DHX8: variants seen among roughly 807,000 people sequenced by gnomAD.
The protein encoded by DHX8 is ATP-dependent RNA helicase DHX8.
Under a neutral mutation model 140.7 loss-of-function variants are expected in DHX8, and 67 were observed. That is an observed-to-expected ratio of 0.48 (90% CI 0.39 to 0.58). The LOEUF (loss-of-function observed/expected upper bound fraction) is 0.58. Ranked by LOEUF, DHX8 falls within the 20% of genes least tolerant of loss-of-function variation. The probability of loss-of-function intolerance (pLI) is 0.00; values close to 1 mark genes in which losing one functional copy is unlikely to be tolerated. For synonymous variants in DHX8, 533 were observed against 553.2 expected, an observed-to-expected ratio of 0.96 and a Z score of 0.51; for missense variants, 887 against 1,550.7, an observed-to-expected ratio of 0.57 and a Z score of 7.19.
intron 11 of DHX8, among the ~76,000 whole-genome samples, chr17:43,503,671 A>G (rs1035021839): frequency 6.6e-6 from 1 of 151,998 alleles, no homozygotes; most frequent in African/African-American, 2.4e-5. Flanking sequence ...GTCTCAGAAA[A>G]AGAAAAAAAT....
intron 3 of DHX8, among the ~76,000 whole-genome samples, chr17:43,541,438 G>A (rs547549890): frequency 2.0e-5 from 3 of 152,268 alleles, no homozygotes; most frequent in East Asian, 3.9e-4. Context: ...GTCTGGGGAC[G>A]AGGCAGATGA....
chr17:43,528,229 G>A (rs1215452302), downstream of DHX8: 5 of 345,334 alleles, frequency 1.4e-5, no homozygotes, highest in Non-Finnish European at 2.6e-5. Flanking sequence ...TGTGGTTGGG[G>A]AAAAGGTGTG....
intron 8 of DHX8, among the ~76,000 whole-genome samples, chr17:43,495,462 A>G (rs1474415780): frequency 1.3e-5 from 2 of 152,062 alleles, no homozygotes; most frequent in Non-Finnish European, 2.9e-5. Flanking sequence ...AATTTTTTGT[A>G]GAGACAGTCT....
chr17:43,495,581 G>A (rs1968808177), intron 8 of DHX8, among the ~76,000 whole-genome samples: 2 of 152,078 alleles, frequency 1.3e-5, no homozygotes, highest in Admixed American at 1.3e-4. Context: ...TCTGGCCTAC[G>A]TATTATATAA....
chr17:43,508,977 G>A (rs1383714894), intron 16 of DHX8, among the ~76,000 whole-genome samples: 3 of 152,116 alleles, frequency 2.0e-5, no homozygotes, highest in Non-Finnish European at 2.9e-5. Context: ...ATTTGTTTAG[G>A]AATGAGGTCC....
intron 21 of DHX8, 118 bp from the exon 22 acceptor site, chr17:43,521,929 G>A: frequency 9.4e-7 from 1 of 1,063,312 alleles, no homozygotes. Context: ...CTTAGGGCTG[G>A]AAGGAAGGTC....
chr17:43,520,893 A>C lies in DHX8; in HGVS notation c.3066+14A>C, dbSNP rs751412699. 3 of 1,595,376 alleles carry C rather than the reference A, an allele frequency of 1.9e-6. No homozygotes were observed. Among genetic ancestry groups the C allele is most frequent in the Non-Finnish European group, 1.7e-6 (2 of 1,171,440 alleles). The stretch of plus-strand genomic sequence containing the variant: ...TATAGGCCCAAGGTAGGAAGTTCAG[A>C]TCCAAGTTTAGATGGGGGTGCCATG... On this transcript the variant is annotated intron_variant, in intron 20 of 22. Transcript: ENST00000262415.
chr17:43,507,094 A>G lies in DHX8; in HGVS notation c.1820A>G (p.Tyr607Cys). The change falls in exon 13 of 23, where the codon TAC becomes TGC. Residue 607 changes from tyrosine (Y) to cysteine (C), a missense_variant. Coordinates refer to ENST00000262415, the MANE Select transcript of DHX8 (RefSeq NM_004941.3). ...ACCCAGTACCTGGCGGAGGCAGGCT[A>G]CACTTCCAGGGGCAAGATTGGGTGT... is the stretch of plus-strand genomic sequence containing the variant. Reference protein sequence around the residue: ...QITQYLAEAGYTSRGKIGCTQ... With the variant: ...QITQYLAEAGCTSRGKIGCTQ... The G allele has an allele frequency of 1.9e-6, 3 of 1,614,062 alleles. No individual in the cohort carries two copies. The highest frequency in any genetic ancestry group is 2.5e-6 in the Non-Finnish European group (3 of 1,180,022).
At chr17:43,527,109 C>T (rs1970640363), downstream of DHX8, among the ~76,000 whole-genome samples, 1 of 152,150 alleles carries the variant, frequency 6.6e-6, no homozygotes, top group Non-Finnish European at 1.5e-5. Flanking sequence ...TGTCACATCT[C>T]AGTCATACGT....
In DHX8 at chr17:43,500,160, A is replaced by G. The variant is rs1969099596; in HGVS notation, c.1546+57A>G. Reference sequence around the variant, plus strand: ...TTTAAAAATCTGAGCCTTTCAGAACACAGGGAGGGGTCACTCCCGGCACAC... The same window carrying G: ...TTTAAAAATCTGAGCCTTTCAGAACGCAGGGAGGGGTCACTCCCGGCACAC... On this transcript the variant is annotated intron_variant, in intron 11 of 22. Coordinates refer to ENST00000262415, the MANE Select transcript of DHX8 (RefSeq NM_004941.3). The G allele has an allele frequency of 3.8e-6, 6 of 1,577,242 alleles. No individual in the cohort carries two copies. The Admixed American group carries it at 8.8e-5, about 23-fold the overall frequency.
intron 14 of DHX8, 25 bp downstream of exon 14, chr17:43,507,713 C>T (rs543173402): frequency 6.2e-7 from 1 of 1,612,716 alleles, no homozygotes; most frequent in African/African-American, 1.3e-5. Context: ...TTTAATGACC[C>T]CTCTACCTGT....
rs1598203168 is a variant in DHX8 at position 43,534,046 on chromosome 17, T to A, written c.351-2366T>A. On this transcript the variant is annotated intron_variant, in intron 2 of 3. Coordinates refer to the DHX8 transcript ENST00000589898. ...CTGTCACACAAGAGGCAGGCAGGGC[T>A]TCTGATACCTTCTGAGCTTTGAGGA... The A allele has an allele frequency of 4.1e-5, 58 of 1,418,416 alleles. No homozygotes were observed. The South Asian group carries it at 9.6e-4, about 23-fold the overall frequency. 87.9% of individuals were successfully genotyped at this position (1,418,416 alleles called of 1,614,324 possible).
chr17:43,510,038 T>C (rs1236609154), intron 16 of DHX8, among the ~76,000 whole-genome samples: 3 of 151,246 alleles, frequency 2.0e-5, no homozygotes, highest in Non-Finnish European at 4.4e-5. Flanking sequence ...CTGTTTTTTG[T>C]TTGTTTGTTT....
At chr17:43,507,360 C>T (rs917959861) in intron 13 of DHX8, 143 bp from the exon 14 acceptor site, 8 of 1,080,652 alleles carry the variant, frequency 7.4e-6, no homozygotes, top group Non-Finnish European at 1.1e-5. Context: ...TAGTCTAAGA[C>T]ATACCTTACT....
At position 43,493,790 on chromosome 17, in the gene DHX8, CT is replaced by C; in HGVS notation, c.1118del (p.Leu373CysfsTer9). On this transcript the variant is annotated frameshift_variant, in exon 8 of 23. Transcript: ENST00000262415. LOFTEE classifies it high-confidence loss of function. Reference protein sequence around the residue: ...SMRNPDRPTHLSLVSAPEVED... With the variant: ...SMRNPDRPTHXSLVSAPEVED... Reference sequence around the variant, plus strand: ...TGCGGAATCCTGATAGACCCACTCACTTGTCCCTTGTCAGTGCTCCTGAAGT... The same window carrying C: ...TGCGGAATCCTGATAGACCCACTCACTGTCCCTTGTCAGTGCTCCTGAAGT... 6.2e-7 allele frequency: 1 copy of C among 1,614,230 alleles called. No individual in the cohort carries two copies. Among genetic ancestry groups the C allele is most frequent in the Non-Finnish European group, 8.5e-7 (1 of 1,180,050 alleles).
intron 2 of DHX8, chr17:43,536,271 C>T: frequency 1.4e-6 from 1 of 714,326 alleles, no homozygotes; most frequent in Non-Finnish European, 2.5e-6. Context: ...AGATTTCAAC[C>T]AAGGTTTTCA....
At chr17:43,513,554 C>A in intron 17 of DHX8, 52 bp downstream of exon 17, 1 of 1,580,038 alleles carries the variant, frequency 6.3e-7, no homozygotes, top group Non-Finnish European at 8.6e-7. Flanking sequence ...TAGGGCCTTT[C>A]TGAAACTTTT....
At position 43,524,962 on chromosome 17, in the gene DHX8, T is replaced by C. The variant is rs570857298; in HGVS notation, c.*1115T>C. The C allele has an allele frequency of 2.4e-4, 239 of 985,294 alleles. No homozygotes were observed. The Middle Eastern group carries it at 7.3e-3, about 30-fold the overall frequency. The allele number at this position is 985,294 out of a possible 1,614,324, so 61.0% of individuals were successfully genotyped here. On this transcript the variant is annotated 3_prime_UTR_variant, in exon 23 of 23. Transcript: ENST00000262415. Reference sequence around the variant, plus strand: ...CTCACAGCTCCTGAGGAGGGTTTTTTTTTTTTCTTCCCATAGAGATGGGTT... The same window carrying C: ...CTCACAGCTCCTGAGGAGGGTTTTTCTTTTTTCTTCCCATAGAGATGGGTT...
chr17:43,541,989 T>C (rs1224192795), intron 3 of DHX8, among the ~76,000 whole-genome samples: 5 of 152,146 alleles, frequency 3.3e-5, no homozygotes, highest in Admixed American at 3.3e-4. Flanking sequence ...TAATTCCTTT[T>C]ACTTCACTCT....
Sources: gnomAD v4.1 joint callset for allele counts (sites outside exome capture counted in the v4.1 genomes callset) on GRCh38, gnomAD v4.1.1 for gene constraint, MANE v1.5 for transcripts, NCBI Gene and HGNC (gene_info 2026-07-23, HGNC 2026-07-21) for gene names.